The following FEZ2 variants were observed in gnomAD, a reference collection of about 807,000 sequenced individuals.
FEZ2 encodes the protein fasciculation and elongation protein zeta-2.
In FEZ2, 51 loss-of-function variants were observed where a neutral mutation model predicts 40.4. The ratio of observed to expected loss-of-function variants is 1.26; its 90% CI spans 1.01 to 1.59. FEZ2 has a LOEUF of 1.59. Ranked by LOEUF, FEZ2 falls within the 40% of genes most tolerant of loss-of-function variation. FEZ2 has a pLI of 0.00. For missense variants in FEZ2, 640 were observed against 438.3 expected, an observed-to-expected ratio of 1.46 and a Z score of -4.11; for synonymous variants, 242 against 172.0, an observed-to-expected ratio of 1.41 and a Z score of -3.18.
chr2:36,555,043 CTTT>C lies in FEZ2; in HGVS notation c.1045+637_1045+639del, dbSNP rs554656730. Among the ~76,000 whole-genome samples, 10 of 152,260 alleles carry C rather than the reference CTTT, an allele frequency of 6.6e-5. No homozygotes were observed. The East Asian group carries it at 1.7e-3, about 26-fold the overall frequency. The stretch of plus-strand genomic sequence containing the variant: ...CTCTAATTAAGTTCTTCCGTCCCTT[CTTT>C]ATCATCCAAACTTTGCTCTTTTCTC... On this transcript the variant is annotated intron_variant, in intron 7 of 7. Transcript: ENST00000405912.
chr2:36,591,667 A>T (rs769884431), intron 1 of FEZ2: 1 of 152,400 alleles, frequency 6.6e-6, no homozygotes, highest in Non-Finnish European at 1.5e-5. Context: ...AAACACACCC[A>T]GGCTCTATCC....
At chr2:36,582,827 G>A (rs1299832756) in intron 3 of FEZ2, among the ~76,000 whole-genome samples, 3 of 152,312 alleles carry the variant, frequency 2.0e-5, no homozygotes, top group South Asian at 2.1e-4. Context: ...CAATACAACA[G>A]AGGTGGGAAG....
rs761038588 is a variant in FEZ2 at position 36,598,080 on chromosome 2, C to T, written c.63G>A (p.Leu21=). Residue 21 remains leucine (L), a synonymous_variant, in exon 1 of 8, where the codon CTG becomes CTA. Transcript: ENST00000405912. The part of the protein sequence containing the change: ...YEFQEPARSL[L]DQENCNASPE... The stretch of plus-strand genomic sequence containing the variant: ...GGCTCGCGTTACAGTTCTCCTGGTC[C>T]AGGAGGCTCCGGGCCGGCTCCTGGA... 7.3e-5 allele frequency: 109 copies of T among 1,499,232 alleles called. No individual in the cohort carries two copies. In the Admixed American group the frequency reaches 1.8e-3, roughly 24 times the overall value. 92.9% of individuals were successfully genotyped at this position (1,499,232 alleles called of 1,614,324 possible).
chr2:36,568,892 AT>A (rs1446506023), intron 5 of FEZ2, among the ~76,000 whole-genome samples: 2 of 152,212 alleles, frequency 1.3e-5, no homozygotes, highest in Non-Finnish European at 2.9e-5. Context: ...AGTAGCAACA[AT>A]GTATAAACAG....
chr2:36,589,549 A>G (rs1669005635), intron 2 of FEZ2: 2 of 152,272 alleles, frequency 1.3e-5, no homozygotes, highest in Admixed American at 1.3e-4. Context: ...AGGAAGCTTC[A>G]GAGAGGAAGG....
At chr2:36,560,236 T>C (rs73923031) in intron 5 of FEZ2, among the ~76,000 whole-genome samples, 2,020 of 152,322 alleles carry the variant, frequency 0.013, 46 homozygotes, top group African/African-American at 0.045. Context: ...TATAATTTTG[T>C]ATAAATAATG....
chr2:36,577,897 T>G (rs903187911), intron 5 of FEZ2, among the ~76,000 whole-genome samples: 2 of 152,242 alleles, frequency 1.3e-5, no homozygotes, highest in Non-Finnish European at 2.9e-5. Context: ...AAGAGATCCC[T>G]TTACCCAACC....
At chr2:36,597,804 G>A (rs1373336589) in intron 1 of FEZ2, 73 bp downstream of exon 1, 2 of 1,000,990 alleles carry the variant, frequency 2.0e-6, no homozygotes, top group East Asian at 3.8e-5. Flanking sequence ...GAGGAGCTGC[G>A]GCCGTAGGGC....
At chr2:36,557,501 T>A (rs1435520077) in intron 6 of FEZ2, 1 of 152,196 alleles carries the variant, frequency 6.6e-6, no homozygotes, top group African/African-American at 2.4e-5. Context: ...AAAATAAGTA[T>A]CATCATCCAT....
chr2:36,574,863 A>C (rs1381059043), intron 5 of FEZ2, among the ~76,000 whole-genome samples: 4 of 152,170 alleles, frequency 2.6e-5, no homozygotes. Flanking sequence ...GGACAGAGGA[A>C]ATATAAAGCC....
chr2:36,553,342 C>A (rs922918420), intron 7 of FEZ2, among the ~76,000 whole-genome samples, 163 bp from the exon 8 acceptor site: 1 of 152,098 alleles, frequency 6.6e-6, no homozygotes, highest in African/African-American at 2.4e-5. Flanking sequence ...AGGCTATACC[C>A]AACAAGGATG....
intron 4 of FEZ2, among the ~76,000 whole-genome samples, chr2:36,580,736 T>C (rs2125235566): frequency 6.6e-6 from 1 of 152,334 alleles, no homozygotes; most frequent in African/African-American, 2.4e-5. Flanking sequence ...CCAAAATTCA[T>C]GTGTTGAAGT....
At chr2:36,590,787 A>G (rs778864170) in intron 2 of FEZ2, 116 bp downstream of exon 2, 21 of 681,956 alleles carry the variant, frequency 3.1e-5, no homozygotes, top group Middle Eastern at 4.9e-4. Flanking sequence ...CCAAACTGCT[A>G]TAATTTCAGA....
At chr2:36,565,757 G>A (rs1051561832) in intron 5 of FEZ2, among the ~76,000 whole-genome samples, 3 of 152,054 alleles carry the variant, frequency 2.0e-5, no homozygotes, top group East Asian at 3.9e-4. Context: ...GTTTCTCCAC[G>A]TTGACACTAC....
intron 5 of FEZ2, 166 bp from the exon 6 acceptor site, chr2:36,558,679 T>C (rs1222653401): frequency 7.3e-6 from 3 of 411,478 alleles, no homozygotes; most frequent in Admixed American, 4.1e-5. Flanking sequence ...CTATCTCAGA[T>C]GGAGCTCATT....
At chr2:36,591,095 C>G in intron 1 of FEZ2, 84 bp from the exon 2 acceptor site, 1 of 826,018 alleles carries the variant, frequency 1.2e-6, no homozygotes, top group Admixed American at 2.2e-5. Flanking sequence ...AGATGAACAG[C>G]AAATGTCAAA....
At chr2:36,562,087 G>A (rs1312524547) in intron 5 of FEZ2, among the ~76,000 whole-genome samples, 1 of 152,186 alleles carries the variant, frequency 6.6e-6, no homozygotes, top group East Asian at 1.9e-4. Context: ...ATGACAGACT[G>A]AATGCAGAAG....
At chr2:36,584,670 A>G (rs566412843) in intron 2 of FEZ2, among the ~76,000 whole-genome samples, 1 of 152,374 alleles carries the variant, frequency 6.6e-6, no homozygotes, top group African/African-American at 2.4e-5. Context: ...TACATAGTGT[A>G]GAACTAACAT....
chr2:36,591,919 G>A (rs1269875223), intron 1 of FEZ2, among the ~76,000 whole-genome samples: 1 of 152,162 alleles, frequency 6.6e-6, no homozygotes, highest in East Asian at 1.9e-4. Context: ...TTCAAATGAG[G>A]TGTATTGAAG....
Sources: gnomAD v4.1 joint callset for allele counts (sites outside exome capture counted in the v4.1 genomes callset) on GRCh38, gnomAD v4.1.1 for gene constraint, MANE v1.5 for transcripts, NCBI Gene and HGNC (gene_info 2026-07-23, HGNC 2026-07-21) for gene names.